SORCS1: variants seen among roughly 807,000 people sequenced by gnomAD.
SORCS1 encodes the protein VPS10 domain-containing receptor SorCS1.
In SORCS1, 60 loss-of-function variants were observed where a neutral mutation model predicts 146.1. That is an observed-to-expected ratio of 0.41 (90% CI 0.33 to 0.51). The LOEUF (loss-of-function observed/expected upper bound fraction) is 0.51. SORCS1 is among the 20% of genes least tolerant of loss of function. The pLI, the probability that SORCS1 is intolerant of heterozygous loss-of-function variation, is 0.21. For missense variants in SORCS1, 1,352 were observed against 1,487.6 expected, an observed-to-expected ratio of 0.91 and a Z score of 1.50; for synonymous variants, 637 against 584.0, an observed-to-expected ratio of 1.09 and a Z score of -1.31.
Position 106,652,379 on chromosome 10 carries a change from T to C in SORCS1, c.2475+3A>G, listed in dbSNP as rs750316038. ...GTAGGGGGGAGATAGGAATCAGTCC[T>C]ACCTCTTCTAATTGCACCATGAGAG... On this transcript the variant is annotated splice_donor_region_variant and intron_variant, in intron 18 of 25. Coordinates refer to ENST00000263054, the MANE Select transcript of SORCS1 (RefSeq NM_052918.5). 2.5e-5 allele frequency: 41 copies of C among 1,613,494 alleles called. 1 individual carries two copies. Among genetic ancestry groups the C allele is most frequent in the Middle Eastern group, 3.3e-4 (2 of 6,070 alleles).
chr10:106,829,508 G>A (rs1360349711), intron 3 of SORCS1, 66 bp downstream of exon 3: 2 of 1,157,662 alleles, frequency 1.7e-6, no homozygotes, highest in East Asian at 2.4e-5. Flanking sequence ...GGTAGCTAGA[G>A]TGGTTAGCCA....
intron 2 of SORCS1, among the ~76,000 whole-genome samples, chr10:106,900,117 A>G (rs933991103): frequency 2.6e-5 from 4 of 152,218 alleles, no homozygotes; most frequent in African/African-American, 9.6e-5. Context: ...TTTTCCGTCA[A>G]GAATTCTCAT....
intron 2 of SORCS1, among the ~76,000 whole-genome samples, chr10:106,893,698 T>C (rs1951328328): frequency 6.6e-6 from 1 of 152,204 alleles, no homozygotes; most frequent in Non-Finnish European, 1.5e-5. Context: ...TTTTTTCTTT[T>C]GTAGAAGATT....
chr10:106,589,710 A>C (rs1845483929), intron 24 of SORCS1, among the ~76,000 whole-genome samples: 1 of 151,674 alleles, frequency 6.6e-6, no homozygotes, highest in African/African-American at 2.4e-5. Context: ...AAAAAAAAAA[A>C]AAAAAAACAA....
chr10:106,968,422 C>A (rs2139170700), intron 1 of SORCS1, among the ~76,000 whole-genome samples: 1 of 152,294 alleles, frequency 6.6e-6, no homozygotes, highest in Non-Finnish European at 1.5e-5. Flanking sequence ...TGTGAGAACC[C>A]ACACACAAAG....
chr10:106,625,220 G>C (rs1266161552), intron 19 of SORCS1, among the ~76,000 whole-genome samples: 3 of 149,892 alleles, frequency 2.0e-5, no homozygotes, highest in African/African-American at 7.4e-5. Flanking sequence ...GTGTGTGTGT[G>C]TGTGTGTGTG....
At chr10:106,995,313 C>CA (rs369510454) in intron 1 of SORCS1, among the ~76,000 whole-genome samples, 41,896 of 117,950 alleles carry the variant, frequency 0.36, 6,436 homozygotes, top group Middle Eastern at 0.5. Context: ...GACTCCATCT[C>CA]AAAAAAAAAA....
At chr10:107,004,501 A>T (rs1957358755) in intron 1 of SORCS1, among the ~76,000 whole-genome samples, 1 of 152,150 alleles carries the variant, frequency 6.6e-6, no homozygotes, top group Non-Finnish European at 1.5e-5. Flanking sequence ...TCCCATTTAT[A>T]AAACCACAAG....
intron 5 of SORCS1, among the ~76,000 whole-genome samples, chr10:106,755,143 A>G (rs1193666630): frequency 6.6e-6 from 1 of 152,242 alleles, no homozygotes; most frequent in East Asian, 1.9e-4. Context: ...AGGCATTTGG[A>G]TACCACTGAT....
chr10:106,771,414 C>T (rs1238470294), intron 4 of SORCS1, among the ~76,000 whole-genome samples: 1 of 152,158 alleles, frequency 6.6e-6, no homozygotes, highest in Non-Finnish European at 1.5e-5. Flanking sequence ...CAGGCTCAGC[C>T]TTCTGCTAAG....
chr10:106,739,254 G>T (rs1857183081), intron 5 of SORCS1, among the ~76,000 whole-genome samples: 1 of 152,024 alleles, frequency 6.6e-6, no homozygotes, highest in South Asian at 2.1e-4. Context: ...GGGAGTTCAA[G>T]GTAGGTGGAT....
intron 2 of SORCS1, among the ~76,000 whole-genome samples, chr10:106,952,947 C>T (rs916870771): frequency 6.6e-6 from 1 of 151,922 alleles, no homozygotes; most frequent in African/African-American, 2.4e-5. Flanking sequence ...CATGCCACTG[C>T]ACTCCAGCCT....
rs77100514 is a variant in SORCS1 at position 106,946,430 on chromosome 10, G to T, written c.626+10083C>A. ...GGGAGGTAATTGAATCATGGGAGCGGGTCTTCCCCCATACTATTTTCATGT... is the reference window on the plus strand; with the variant it reads ...GGGAGGTAATTGAATCATGGGAGCGTGTCTTCCCCCATACTATTTTCATGT... On this transcript the variant is annotated intron_variant, in intron 2 of 25. Coordinates refer to ENST00000263054, the MANE Select transcript of SORCS1 (RefSeq NM_052918.5). 2.2e-3 allele frequency among the ~76,000 whole-genome samples: 328 copies of T among 152,218 alleles called. 8 individuals are homozygous for T. In the South Asian group the frequency reaches 0.052, roughly 24 times the overall value.
chr10:106,734,350 C>T (rs10884345), intron 5 of SORCS1, among the ~76,000 whole-genome samples: 65,870 of 151,966 alleles, frequency 0.43, 14,350 homozygotes, highest in South Asian at 0.46. Flanking sequence ...AAGTTGAAAA[C>T]AGGCTTCTCA....
intron 1 of SORCS1, among the ~76,000 whole-genome samples, chr10:106,974,710 T>C (rs1311981440): frequency 2.0e-5 from 3 of 152,090 alleles, no homozygotes; most frequent in African/African-American, 7.2e-5. Context: ...AGAACTACAG[T>C]AGGAGAAACT....
chr10:106,860,797 C>T (rs959349831), intron 2 of SORCS1, among the ~76,000 whole-genome samples: 1 of 152,190 alleles, frequency 6.6e-6, no homozygotes, highest in African/African-American at 2.4e-5. Context: ...AAACAACGAA[C>T]CACTGCTGTT....
chr10:106,987,874 T>C (rs1321542060), intron 1 of SORCS1, among the ~76,000 whole-genome samples: 1 of 152,182 alleles, frequency 6.6e-6, no homozygotes, highest in Non-Finnish European at 1.5e-5. Context: ...TATTACAAAA[T>C]CACTTGTTCA....
At chr10:106,884,191 G>C (rs945320470) in intron 2 of SORCS1, among the ~76,000 whole-genome samples, 2 of 151,884 alleles carry the variant, frequency 1.3e-5, no homozygotes, top group Admixed American at 1.3e-4. Flanking sequence ...GAGAACTAAG[G>C]CTCTTGGATT....
intron 24 of SORCS1, among the ~76,000 whole-genome samples, chr10:106,589,823 A>C (rs999529317): frequency 2.2e-4 from 34 of 152,202 alleles, no homozygotes; most frequent in African/African-American, 8.0e-4. Context: ...TAAAAATAGA[A>C]ATGATAATGG....
Sources: gnomAD v4.1 joint callset for allele counts (sites outside exome capture counted in the v4.1 genomes callset) on GRCh38, gnomAD v4.1.1 for gene constraint, MANE v1.5 for transcripts, NCBI Gene and HGNC (gene_info 2026-07-23, HGNC 2026-07-21) for gene names.